The following DIP2C variants were observed in gnomAD, a reference collection of about 807,000 sequenced individuals.
The protein encoded by DIP2C is DIP2 acetate--CoA ligase C (putative).
Under a neutral mutation model 192.4 loss-of-function variants are expected in DIP2C, and 33 were observed. That is an observed-to-expected ratio of 0.17 (90% CI 0.13 to 0.23). The LOEUF is 0.23. DIP2C is among the 10% of genes least tolerant of loss of function. The pLI, the probability that DIP2C is intolerant of heterozygous loss-of-function variation, is 1.00. For synonymous variants in DIP2C, 979 were observed against 864.1 expected, an observed-to-expected ratio of 1.13 and a Z score of -2.33; for missense variants, 1,537 against 2,110.1, an observed-to-expected ratio of 0.73 and a Z score of 5.32.
intron 2 of DIP2C, among the ~76,000 whole-genome samples, chr10:479,786 A>T (rs1843453557): frequency 6.6e-6 from 1 of 152,192 alleles, no homozygotes; most frequent in African/African-American, 2.4e-5. Flanking sequence ...GGGACGGGAG[A>T]GTCTGACGTC....
rs143073552 is a variant in DIP2C, at chr10:537,307, G to A, written c.86-50777C>T. On this transcript the variant is annotated intron_variant, in intron 1 of 36. Transcript: ENST00000280886. Reference sequence around the variant, plus strand: ...CCTGGACCAGAATCTCTGTGATTTCGGGGTAAATGACTCAAACAGAGCAAG... The same window carrying A: ...CCTGGACCAGAATCTCTGTGATTTCAGGGTAAATGACTCAAACAGAGCAAG... 1.2e-3 allele frequency among the ~76,000 whole-genome samples: 178 copies of A among 152,236 alleles called. 3 individuals carry two copies. Among genetic ancestry groups the A allele is most frequent in the African/African-American group, 4.0e-3 (165 of 41,522 alleles).
intron 32 of DIP2C, among the ~76,000 whole-genome samples, chr10:292,088 A>G (rs1293866834): frequency 6.6e-6 from 1 of 152,244 alleles, no homozygotes; most frequent in African/African-American, 2.4e-5. Context: ...CTTCTGTGAG[A>G]GCACCTGCCG....
chr10:604,026 C>G (rs1852290064), intron 1 of DIP2C, among the ~76,000 whole-genome samples: 1 of 149,128 alleles, frequency 6.7e-6, no homozygotes, highest in South Asian at 2.2e-4. Context: ...CCCCACCCCC[C>G]AGCCCTGCCC....
At position 572,985 on chromosome 10, in the gene DIP2C, A is replaced by G. The variant is rs72774560; in HGVS notation, c.86-86455T>C. Among the ~76,000 whole-genome samples, 276 of 152,272 alleles carry G rather than the reference A, an allele frequency of 1.8e-3. 1 individual carries two copies. Among genetic ancestry groups the G allele is most frequent in the Non-Finnish European group, 3.1e-3 (211 of 68,024 alleles). On this transcript the variant is annotated intron_variant, in intron 1 of 36. Coordinates refer to ENST00000280886, the MANE Select transcript of DIP2C (RefSeq NM_014974.3). ...TATCCTACAAAGGACAGGGCTACCCAACTGCGGACTGAGGCAGTAAATAAA... is the reference window on the plus strand; with the variant it reads ...TATCCTACAAAGGACAGGGCTACCCGACTGCGGACTGAGGCAGTAAATAAA...
chr10:440,612 ATTGT>A (rs1404815328), intron 4 of DIP2C, among the ~76,000 whole-genome samples: 1 of 152,192 alleles, frequency 6.6e-6, no homozygotes, highest in Admixed American at 6.5e-5. Context: ...AATGAATAAA[ATTGT>A]TTGAGATTTT....
At chr10:392,407 G>A (rs969430910) in intron 10 of DIP2C, among the ~76,000 whole-genome samples, 12 of 152,192 alleles carry the variant, frequency 7.9e-5, no homozygotes, top group Admixed American at 3.9e-4. Flanking sequence ...GTGTCCGCCC[G>A]TGATTTAATC....
At chr10:467,577 A>G (rs1025417899) in intron 3 of DIP2C, among the ~76,000 whole-genome samples, 22 of 151,430 alleles carry the variant, frequency 1.5e-4, no homozygotes, top group African/African-American at 4.6e-4. Flanking sequence ...AAAAAAAAAA[A>G]AAAAGAAAAT....
At chr10:283,043 G>A (rs1437519833) in intron 35 of DIP2C, among the ~76,000 whole-genome samples, 3 of 152,240 alleles carry the variant, frequency 2.0e-5, no homozygotes, top group Non-Finnish European at 4.4e-5. Flanking sequence ...GTCAGCTCTT[G>A]GTTCTCAGGA....
chr10:372,788 A>T (rs549804851), intron 17 of DIP2C, among the ~76,000 whole-genome samples: 5 of 151,600 alleles, frequency 3.3e-5, no homozygotes, highest in African/African-American at 1.2e-4. Flanking sequence ...GAAGCGCGGG[A>T]GCTCCCGGCA....
chr10:515,509 G>A (rs1056995298), intron 1 of DIP2C, among the ~76,000 whole-genome samples: 1 of 152,116 alleles, frequency 6.6e-6, no homozygotes, highest in African/African-American at 2.4e-5. Context: ...AATCACTTGA[G>A]GTAAGGAGTT....
chr10:379,021 T>C (rs962235596), intron 17 of DIP2C, among the ~76,000 whole-genome samples: 28 of 152,230 alleles, frequency 1.8e-4, no homozygotes, highest in Non-Finnish European at 3.5e-4. Flanking sequence ...TCATTCTTTT[T>C]TGGAGACTGG....
chr10:467,539 TAAATAAAATAAA>T, intron 3 of DIP2C, among the ~76,000 whole-genome samples: 1 of 7,386 alleles, frequency 1.4e-4, no homozygotes, highest in Middle Eastern at 0.17. Context: ...AAAAAAAAAA[TAAATAAAATAAA>T]AATTATTTAA....
intron 1 of DIP2C, among the ~76,000 whole-genome samples, chr10:580,581 T>C (rs1395403350): frequency 2.6e-5 from 4 of 152,176 alleles, no homozygotes; most frequent in African/African-American, 9.7e-5. Flanking sequence ...ACATGTAGTG[T>C]ACATACCTAT....
chr10:594,813 A>C (rs189376062), intron 1 of DIP2C, among the ~76,000 whole-genome samples: 26 of 152,364 alleles, frequency 1.7e-4, no homozygotes. Flanking sequence ...CTCCGGGTTC[A>C]GATCATGTCG....
intron 1 of DIP2C, chr10:663,059 T>C (rs1856860604): frequency 1.6e-6 from 1 of 625,932 alleles, no homozygotes; most frequent in African/African-American, 1.8e-5. Context: ...GGGCAGATGG[T>C]GACCGTGACC....
Position 455,371 on chromosome 10 carries a change from C to T in DIP2C, c.269-14375G>A, listed in dbSNP as rs1452028426. On this transcript the variant is annotated intron_variant, in intron 3 of 36. Coordinates refer to ENST00000280886, the MANE Select transcript of DIP2C (RefSeq NM_014974.3). ...ATGAAAACACTGCAGTGAGTCCCTGCCTGAGGGGAGACCGTGAGGAGTAAA... is the reference window on the plus strand; with the variant it reads ...ATGAAAACACTGCAGTGAGTCCCTGTCTGAGGGGAGACCGTGAGGAGTAAA... Among the ~76,000 whole-genome samples, 8 of 120,540 alleles carry T rather than the reference C, an allele frequency of 6.6e-5. No individual in the cohort carries two copies. In the Admixed American group the frequency reaches 6.8e-4, roughly 10 times the overall value. 79.1% of individuals were successfully genotyped at this position (120,540 alleles called of 152,430 possible).
chr10:541,842 C>G (rs1167052419), intron 1 of DIP2C, among the ~76,000 whole-genome samples: 1 of 152,192 alleles, frequency 6.6e-6, no homozygotes, highest in East Asian at 1.9e-4. Context: ...CTGACTGCAC[C>G]CTGTCTAGTG....
At chr10:389,435 G>A (rs920377242) in intron 13 of DIP2C, among the ~76,000 whole-genome samples, 6 of 152,270 alleles carry the variant, frequency 3.9e-5, no homozygotes, top group South Asian at 2.1e-4. Flanking sequence ...CAGCCCACCC[G>A]GGGGAAGGAA....
intron 28 of DIP2C, among the ~76,000 whole-genome samples, chr10:342,602 C>G (rs1486030043): frequency 6.6e-6 from 1 of 152,186 alleles, no homozygotes; most frequent in Admixed American, 6.5e-5. Flanking sequence ...GCCAGCAAGA[C>G]CTGCTGGGTG....
Sources: gnomAD v4.1 joint callset for allele counts (sites outside exome capture counted in the v4.1 genomes callset) on GRCh38, gnomAD v4.1.1 for gene constraint, MANE v1.5 for transcripts, NCBI Gene and HGNC (gene_info 2026-07-23, HGNC 2026-07-21) for gene names.